Variants in FBXW2 observed in about 807,000 individuals in gnomAD.
FBXW2 encodes F-box and WD repeat domain containing 2.
FBXW2 carries 12 observed loss-of-function variants against 46.0 expected under a neutral mutation model. The ratio of observed to expected loss-of-function variants is 0.26; its 90% confidence interval spans 0.17 to 0.42. The LOEUF (loss-of-function observed/expected upper bound fraction) is 0.42, where lower values mean the gene tolerates loss of function less well. Among genes scored for constraint, FBXW2 ranks in the 10% least tolerant of loss-of-function variants. The pLI is 1.00. For synonymous variants in FBXW2, 203 were observed against 209.6 expected (o/e 0.97, Z 0.27); for missense variants, 360 against 537.0 (o/e 0.67, Z 3.26).
chr9:120,778,067 A>AG lies in FBXW2; in HGVS notation c.685+283dup, dbSNP rs537013865. On this transcript the variant is annotated intron_variant, in intron 4 of 7. Coordinates refer to ENST00000608872, the MANE Select transcript of FBXW2 (RefSeq NM_012164.4). ...TTCAATAGGATATAAATGAAACAGGAGGGGGGAGAGAGAGAATGAGAGAGA... is the reference window on the plus strand; with the variant it reads ...TTCAATAGGATATAAATGAAACAGGAGGGGGGGAGAGAGAGAATGAGAGAGA... 4.6e-3 allele frequency among the ~76,000 whole-genome samples: 702 copies of AG among 151,928 alleles called. 9 individuals are homozygous for AG. The highest frequency in any genetic ancestry group is 0.016 in the African/African-American group (669 of 41,428).
chr9:120,780,256 G>A (rs2044583182), intron 3 of FBXW2, among the ~76,000 whole-genome samples: 1 of 151,904 alleles, frequency 6.6e-6, no homozygotes, highest in Non-Finnish European at 1.5e-5. Flanking sequence ...TACTCAGGAG[G>A]CTGAGGCAGG....
chr9:120,782,438 C>T (rs918345447), intron 3 of FBXW2, among the ~76,000 whole-genome samples: 4 of 151,742 alleles, frequency 2.6e-5, no homozygotes, highest in African/African-American at 9.7e-5. Context: ...GCACTCCAGC[C>T]TGGGCACCAA....
chr9:120,771,279 AGTCTT>A (rs2044369717), intron 7 of FBXW2, 64 bp downstream of exon 7: 3 of 1,432,212 alleles, frequency 2.1e-6, no homozygotes, highest in Non-Finnish European at 2.8e-6. Flanking sequence ...CCAAACATTT[AGTCTT>A]GTCTTTACTA....
In FBXW2 at chr9:120,759,760, C is replaced by T. The variant is rs1369157042; in HGVS notation, c.*4799G>A. ...AGTAGAAGTAGCTGAATTCTTTAGG[C>T]TGCAATAATTAAGTGGGTTTACACT... On this transcript the variant is annotated 3_prime_UTR_variant, in exon 8 of 8. Coordinates refer to ENST00000608872, the MANE Select transcript of FBXW2 (RefSeq NM_012164.4). 6.6e-6 allele frequency: 1 copy of T among 152,192 alleles called. No individual in the cohort carries two copies. The highest frequency in any genetic ancestry group is 2.4e-5 in the African/African-American group (1 of 41,450). The allele number at this position is 152,192 out of a possible 1,614,324, so 9.4% of individuals were successfully genotyped here.
rs1376665797 is a variant in FBXW2 at position 120,765,390 on chromosome 9, C to T, written c.1077-543G>A. 7.2e-5 allele frequency among the ~76,000 whole-genome samples: 11 copies of T among 152,256 alleles called. 1 individual carries two copies. Among genetic ancestry groups the T allele is most frequent in the Non-Finnish European group, 1.6e-4 (11 of 68,012 alleles). On this transcript the variant is annotated intron_variant, in intron 7 of 7. Coordinates refer to ENST00000608872, the MANE Select transcript of FBXW2 (RefSeq NM_012164.4). ...GATTACAGGCGTGAGCCACCGCACC[C>T]GGCCTGATGAAAGTTTATAAAAGTA...
chr9:120,784,878 G>A (rs1351439507), intron 3 of FBXW2, among the ~76,000 whole-genome samples: 5 of 146,200 alleles, frequency 3.4e-5, no homozygotes, highest in African/African-American at 1.3e-4. Context: ...CCGAGACTGC[G>A]CCACTGCACT....
Position 120,764,621 on chromosome 9 carries a change from C to T in FBXW2, c.1303G>A (p.Val435Ile). Residue 435 changes from valine (V) to isoleucine (I), a missense_variant, in exon 8 of 8, where the codon GTC becomes ATC. Val to Ile is a conservative substitution (Grantham distance 29). Transcript: ENST00000608872. ...TGGTCAGGCATGCTGGTGGCAAAGA[C>T]CAAGCCCGTGTCATTGTGCCCATCC... is the stretch of plus-strand genomic sequence containing the variant. ...GLDGHNDTGL[V>I]FATSMPDHSI... The T allele has an allele frequency of 1.9e-6, 3 of 1,614,230 alleles. No individual in the cohort carries two copies. Among genetic ancestry groups the T allele is most frequent in the Non-Finnish European group, 2.5e-6 (3 of 1,180,048 alleles).
At chr9:120,772,101 T>C (rs528135571) in intron 6 of FBXW2, among the ~76,000 whole-genome samples, 1 of 148,680 alleles carries the variant, frequency 6.7e-6, no homozygotes, top group Non-Finnish European at 1.5e-5. Context: ...AGTAAGAATG[T>C]GAGAGTACTT....
chr9:120,775,748 C>T (rs548434983), intron 5 of FBXW2, among the ~76,000 whole-genome samples: 1 of 152,230 alleles, frequency 6.6e-6, no homozygotes, highest in African/African-American at 2.4e-5. Context: ...GAAAAACACG[C>T]CCACAATCCC....
intron 7 of FBXW2, among the ~76,000 whole-genome samples, chr9:120,770,842 T>C (rs1022267638): frequency 6.6e-6 from 1 of 152,220 alleles, no homozygotes; most frequent in African/African-American, 2.4e-5. Context: ...CAAAATTATT[T>C]GTCTATGGAC....
rs2044152082 is a variant in FBXW2, at chr9:120,758,442, G to A, written c.*6117C>T. 6.6e-6 allele frequency: 1 copy of A among 152,272 alleles called. No homozygotes were observed. The highest frequency in any genetic ancestry group is 1.5e-5 in the Non-Finnish European group (1 of 68,080). 9.4% of individuals were successfully genotyped at this position (152,272 alleles called of 1,614,324 possible). Reference sequence around the variant, plus strand: ...ATGGTAACGGAGAGTTACCAAGATTGAACAAGAGCAAGTAAGTGCTCAAAG... The same window carrying A: ...ATGGTAACGGAGAGTTACCAAGATTAAACAAGAGCAAGTAAGTGCTCAAAG... On this transcript the variant is annotated 3_prime_UTR_variant, in exon 8 of 8. Transcript: ENST00000608872.
At chr9:120,777,826 T>C (rs2044530663) in intron 4 of FBXW2, among the ~76,000 whole-genome samples, 1 of 151,446 alleles carries the variant, frequency 6.6e-6, no homozygotes, top group Admixed American at 6.6e-5. Flanking sequence ...AACATTCAGG[T>C]ATGTTTCTTT....
chr9:120,772,648 T>A, intron 6 of FBXW2, 106 bp downstream of exon 6: 2 of 675,440 alleles, frequency 3.0e-6, no homozygotes, highest in Non-Finnish European at 4.8e-6. Context: ...ACTAAGACAC[T>A]CCCCCTCCTC....
intron 3 of FBXW2, among the ~76,000 whole-genome samples, chr9:120,786,169 C>T (rs887912905): frequency 6.6e-5 from 10 of 152,048 alleles, no homozygotes; most frequent in Middle Eastern, 3.4e-3. Flanking sequence ...TCTGAATATG[C>T]ATTGATATGG....
chr9:120,766,242 G>A (rs1323635438), intron 7 of FBXW2, among the ~76,000 whole-genome samples: 1 of 152,080 alleles, frequency 6.6e-6, no homozygotes, highest in Non-Finnish European at 1.5e-5. Context: ...GCAGGCATAG[G>A]GTAACTGTAT....
intron 4 of FBXW2, 74 bp downstream of exon 4, chr9:120,778,277 C>T: frequency 1.6e-6 from 2 of 1,236,350 alleles, no homozygotes; most frequent in Non-Finnish European, 2.2e-6. Context: ...AAAAAAAAAG[C>T]ATTTCACATT....
chr9:120,765,969 G>A lies in FBXW2; in HGVS notation c.1077-1122C>T, dbSNP rs554072832. 2.4e-4 allele frequency among the ~76,000 whole-genome samples: 36 copies of A among 152,202 alleles called. No individual in the cohort carries two copies. The South Asian group carries it at 5.8e-3, about 25-fold the overall frequency. The stretch of plus-strand genomic sequence containing the variant: ...AAACAACTTAGCTTCTGTTGTCTGC[G>A]CCCTTAGTGAAGCAAAAGATTAACA... On this transcript the variant is annotated intron_variant, in intron 7 of 7. Transcript: ENST00000608872.
In FBXW2 at chr9:120,759,884, C is replaced by T. The variant is rs531016098; in HGVS notation, c.*4675G>A. 3.3e-5 allele frequency: 5 copies of T among 152,236 alleles called. No individual in the cohort carries two copies. The highest frequency in any genetic ancestry group is 4.1e-4 in the South Asian group (2 of 4,826). The allele number at this position is 152,236 out of a possible 1,614,324, so 9.4% of individuals were successfully genotyped here. On this transcript the variant is annotated 3_prime_UTR_variant, in exon 8 of 8. Transcript: ENST00000608872. ...CAGCAAAACAGCTTTTTGCACTGAG[C>T]GTGACCATTCAGTCTGATTAGGCTG...
At chr9:120,777,923 G>C (rs1013604390) in intron 4 of FBXW2, among the ~76,000 whole-genome samples, 2 of 151,836 alleles carry the variant, frequency 1.3e-5, no homozygotes, top group Non-Finnish European at 2.9e-5. Context: ...CACAATCTAA[G>C]AACCACCGTC....
Sources: gnomAD v4.1 joint callset for allele counts (sites outside exome capture counted in the v4.1 genomes callset) on GRCh38, gnomAD v4.1.1 for gene constraint, MANE v1.5 for transcripts, NCBI Gene and HGNC (gene_info 2026-07-23, HGNC 2026-07-21) for gene names.